Variants in SLIT3 observed in about 807,000 individuals in gnomAD.
The protein encoded by SLIT3 is slit guidance ligand 3.
Under a neutral mutation model 184.0 loss-of-function variants are expected in SLIT3, and 68 were observed. The ratio of observed to expected loss-of-function variants is 0.37; its 90% CI spans 0.30 to 0.45. The LOEUF (loss-of-function observed/expected upper bound fraction) is 0.45, where lower values mean the gene tolerates loss of function less well. Ranked by LOEUF, SLIT3 falls within the 20% of genes least tolerant of loss-of-function variation. SLIT3 has a pLI of 1.00. For synonymous variants in SLIT3, 831 were observed against 828.6 expected (o/e 1.00, Z -0.05); for missense variants, 1,707 against 2,026.0 (o/e 0.84, Z 3.02).
intron 5 of SLIT3, among the ~76,000 whole-genome samples, chr5:168,852,013 G>T (rs185843320): frequency 1.3e-5 from 2 of 152,160 alleles, no homozygotes; most frequent in African/African-American, 2.4e-5. Flanking sequence ...TGCCTTCCTC[G>T]TTGGGAATTA....
intron 3 of SLIT3, among the ~76,000 whole-genome samples, chr5:169,238,289 T>A (rs1765268409): frequency 6.6e-6 from 1 of 152,152 alleles, no homozygotes; most frequent in Non-Finnish European, 1.5e-5. Flanking sequence ...TTTTTGAAAT[T>A]CAGACTTATG....
In SLIT3 at chr5:168,666,432, TGGCAGGCA is replaced by T. The variant is rs1195095503; in HGVS notation, c.*14_*21del. 9.8e-6 allele frequency: 15 copies of T among 1,528,778 alleles called. No homozygotes were observed. In the Middle Eastern group the frequency reaches 7.3e-4, roughly 74 times the overall value. The allele number at this position is 1,528,778 out of a possible 1,614,324, so 94.7% of individuals were successfully genotyped here. ...CTCCATCAAGCTGGAGTCCGAGAGG[TGGCAGGCA>T]GGCGGGCAGGGGCTTAGGAACACGC... On this transcript the variant is annotated 3_prime_UTR_variant, in exon 36 of 36. Coordinates refer to ENST00000519560, the MANE Select transcript of SLIT3 (RefSeq NM_003062.4).
At chr5:169,045,638 C>G (rs1039323446) in intron 4 of SLIT3, among the ~76,000 whole-genome samples, 1 of 152,098 alleles carries the variant, frequency 6.6e-6, no homozygotes, top group Non-Finnish European at 1.5e-5. Flanking sequence ...GTTTTTACAT[C>G]ATTATCACAT....
intron 33 of SLIT3, among the ~76,000 whole-genome samples, 188 bp from the exon 34 acceptor site, chr5:168,671,671 G>A (rs1297887745): frequency 2.0e-5 from 3 of 152,180 alleles, no homozygotes; most frequent in African/African-American, 7.2e-5. Context: ...CCTGCACTGG[G>A]ACTCCTTAAA....
intron 4 of SLIT3, among the ~76,000 whole-genome samples, chr5:168,949,633 G>C (rs960908494): frequency 6.6e-6 from 1 of 152,142 alleles, no homozygotes; most frequent in Non-Finnish European, 1.5e-5. Context: ...GGGGCTCGCT[G>C]TGTCGCCCAG....
At chr5:168,852,182 C>T (rs1007163834) in intron 5 of SLIT3, among the ~76,000 whole-genome samples, 1 of 152,206 alleles carries the variant, frequency 6.6e-6, no homozygotes, top group Non-Finnish European at 1.5e-5. Flanking sequence ...TGTGGTTCCT[C>T]CCCGGCAGAG....
intron 4 of SLIT3, among the ~76,000 whole-genome samples, chr5:168,899,282 A>G (rs976782895): frequency 1.3e-5 from 2 of 152,140 alleles, no homozygotes; most frequent in African/African-American, 4.8e-5. Flanking sequence ...CTGGGGGGCT[A>G]AGGCAGGAGG....
chr5:168,798,217 C>CT (rs1448584547), intron 9 of SLIT3, among the ~76,000 whole-genome samples: 5 of 81,132 alleles, frequency 6.2e-5, no homozygotes, highest in African/African-American at 3.7e-4. Flanking sequence ...TTTTCTTCTT[C>CT]TTCTTCTTTT....
intron 16 of SLIT3, among the ~76,000 whole-genome samples, chr5:168,756,508 A>G (rs1477537006): frequency 6.6e-6 from 1 of 152,178 alleles, no homozygotes; most frequent in African/African-American, 2.4e-5. Flanking sequence ...GGAAAACAGG[A>G]GTAAGCATTC....
At chr5:169,176,869 G>A (rs1763003202) in intron 4 of SLIT3, among the ~76,000 whole-genome samples, 1 of 152,116 alleles carries the variant, frequency 6.6e-6, no homozygotes, top group Non-Finnish European at 1.5e-5. Flanking sequence ...AAAACTAGAG[G>A]GCCAACCTCC....
At chr5:168,820,746 T>C (rs1276112295) in intron 7 of SLIT3, among the ~76,000 whole-genome samples, 1 of 152,156 alleles carries the variant, frequency 6.6e-6, no homozygotes, top group Admixed American at 6.5e-5. Flanking sequence ...GAACATAAGG[T>C]GAATGAATAC....
intron 4 of SLIT3, among the ~76,000 whole-genome samples, chr5:169,110,400 G>T (rs908435703): frequency 6.6e-5 from 10 of 152,160 alleles, no homozygotes; most frequent in Admixed American, 5.9e-4. Flanking sequence ...CAAAATCAAG[G>T]TGTTGGCAGG....
intron 1 of SLIT3, among the ~76,000 whole-genome samples, chr5:169,264,035 TGTA>T (rs1766305985): frequency 6.6e-6 from 1 of 151,152 alleles, no homozygotes; most frequent in African/African-American, 2.4e-5. Flanking sequence ...GGAGTAAACA[TGTA>T]TTATTCAATA....
chr5:169,173,258 T>C (rs1051460915), intron 4 of SLIT3, among the ~76,000 whole-genome samples: 1 of 152,066 alleles, frequency 6.6e-6, no homozygotes, highest in African/African-American at 2.4e-5. Flanking sequence ...TGAAACGCCA[T>C]CTCAAAAACA....
chr5:169,175,129 C>T (rs186650949), intron 4 of SLIT3, among the ~76,000 whole-genome samples: 2 of 152,272 alleles, frequency 1.3e-5, no homozygotes, highest in Admixed American at 1.3e-4. Flanking sequence ...GGGTCTGTGT[C>T]TTAGTCATGG....
At position 168,746,350 on chromosome 5, in the gene SLIT3, T is replaced by TGTGTGGTGGTGTGTGA. The variant is rs1554137580; in HGVS notation, c.2270+1951_2270+1952insTCACACACCACCACAC. 7.1e-4 allele frequency among the ~76,000 whole-genome samples: 60 copies of TGTGTGGTGGTGTGTGA among 85,066 alleles called. 1 individual carries two copies. Among genetic ancestry groups the TGTGTGGTGGTGTGTGA allele is most frequent in the African/African-American group, 2.7e-3 (50 of 18,838 alleles). 55.8% of individuals were successfully genotyped at this position (85,066 alleles called of 152,430 possible). A position where few individuals can be genotyped will look rare whatever the true frequency, so the allele number is the denominator to read the frequency against. On this transcript the variant is annotated intron_variant, in intron 20 of 35. Transcript: ENST00000519560. ...TGGTGTGTGAGTGTGGTGGTGTGGG[T>TGTGTGGTGGTGTGTGA]GTGTGGTGGTGTGTGGTGTGTGAGT...
At chr5:169,199,379 C>T (rs937325696) in intron 3 of SLIT3, among the ~76,000 whole-genome samples, 10 of 152,112 alleles carry the variant, frequency 6.6e-5, no homozygotes, top group African/African-American at 2.2e-4. Context: ...TGAAAAGTCG[C>T]TCCAGGTGGG....
intron 4 of SLIT3, among the ~76,000 whole-genome samples, chr5:169,124,008 G>T (rs535864294): frequency 6.6e-6 from 1 of 152,268 alleles, no homozygotes; most frequent in East Asian, 1.9e-4. Context: ...CTCTCATCAA[G>T]CAAGGGCAAT....
chr5:169,047,152 C>T (rs903372849), intron 4 of SLIT3, among the ~76,000 whole-genome samples: 2 of 152,194 alleles, frequency 1.3e-5, no homozygotes, highest in Non-Finnish European at 2.9e-5. Flanking sequence ...ACGCCCCCAA[C>T]TCAACGGGCC....
Sources: gnomAD v4.1 joint callset for allele counts (sites outside exome capture counted in the v4.1 genomes callset) on GRCh38, gnomAD v4.1.1 for gene constraint, MANE v1.5 for transcripts, NCBI Gene and HGNC (gene_info 2026-07-23, HGNC 2026-07-21) for gene names.